PPP2R2B: variants seen among roughly 807,000 people sequenced by gnomAD.
PPP2R2B encodes protein phosphatase 2 regulatory subunit Bbeta, also known as serine/threonine-protein phosphatase 2A 55 kDa regulatory subunit B beta isoform.
A neutral mutation model predicts 46.0 loss-of-function variants in PPP2R2B; 5 were observed. That is an observed-to-expected ratio of 0.11 (90% CI 0.06 to 0.23). PPP2R2B has a LOEUF of 0.23. Among genes scored for constraint, PPP2R2B ranks in the 10% least tolerant of loss-of-function variants. PPP2R2B has a pLI of 1.00. For missense variants in PPP2R2B, 367 were observed against 575.0 expected (o/e 0.64, Z 3.70); for synonymous variants, 215 against 206.7 (o/e 1.04, Z -0.34).
intron 2 of PPP2R2B, among the ~76,000 whole-genome samples, chr5:147,075,893 C>T (rs538569658): frequency 3.3e-5 from 5 of 152,194 alleles, no homozygotes; most frequent in African/African-American, 9.6e-5. Context: ...GATATAATCA[C>T]AGTAGCTAAT....
upstream of PPP2R2B, among the ~76,000 whole-genome samples, chr5:147,057,895 T>G (rs570332523): frequency 6.6e-6 from 1 of 152,328 alleles, no homozygotes; most frequent in Non-Finnish European, 1.5e-5. Context: ...TAAACGACAC[T>G]GTTGAGGATA....
At chr5:147,039,230 T>C (rs1174454905) in intron 1 of PPP2R2B, among the ~76,000 whole-genome samples, 1 of 152,154 alleles carries the variant, frequency 6.6e-6, no homozygotes, top group Non-Finnish European at 1.5e-5. Flanking sequence ...GTCACTGTAA[T>C]GATTTACCCT....
intron 2 of PPP2R2B, among the ~76,000 whole-genome samples, chr5:147,071,421 C>T (rs1334737496): frequency 6.6e-6 from 1 of 152,154 alleles, no homozygotes; most frequent in African/African-American, 2.4e-5. Context: ...AGGCAGGAGT[C>T]CAGCTATTTA....
chr5:146,841,837 C>T (rs957003050), intron 2 of PPP2R2B, among the ~76,000 whole-genome samples: 2 of 151,998 alleles, frequency 1.3e-5, no homozygotes, highest in Admixed American at 6.6e-5. Context: ...ATATAGATGA[C>T]GGGTTGATGG....
At chr5:146,992,109 G>T (rs1303567540) in intron 1 of PPP2R2B, among the ~76,000 whole-genome samples, 1 of 152,064 alleles carries the variant, frequency 6.6e-6, no homozygotes, top group Non-Finnish European at 1.5e-5. Context: ...TAAACCACCT[G>T]ATTTCAAACT....
intron 2 of PPP2R2B, among the ~76,000 whole-genome samples, chr5:146,864,396 CAAAAAAAAAAAA>C (rs34780019): frequency 6.4e-5 from 2 of 31,320 alleles, no homozygotes; most frequent in East Asian, 1.1e-3. Context: ...TAGTATTAAC[CAAAAAAAAAAAA>C]AAAAAAAAAA....
At chr5:147,028,996 T>C (rs1755654032) in intron 1 of PPP2R2B, among the ~76,000 whole-genome samples, 1 of 152,228 alleles carries the variant, frequency 6.6e-6, no homozygotes, top group Admixed American at 6.5e-5. Flanking sequence ...TATTGTTCTA[T>C]TGAGCTGTCA....
rs1227681104 is a variant in PPP2R2B at position 146,936,481 on chromosome 5, A to AC, written c.79+119183_79+119184insG. On this transcript the variant is annotated intron_variant, in intron 1 of 8. Coordinates refer to the PPP2R2B transcript ENST00000336640. ...TTGTAAGCAGGAAAAGAAAAAAAAA[A>AC]AAAACCCTAGACAGTTATGAAGGAT... is the stretch of plus-strand genomic sequence containing the variant. Among the ~76,000 whole-genome samples the AC allele has an allele frequency of 4.0e-3, 607 of 151,456 alleles. 5 individuals are homozygous for AC. Among genetic ancestry groups the AC allele is most frequent in the African/African-American group, 0.014 (568 of 41,174 alleles).
At chr5:146,869,504 G>T (rs573305776) in intron 2 of PPP2R2B, among the ~76,000 whole-genome samples, 6 of 152,180 alleles carry the variant, frequency 3.9e-5, no homozygotes, top group African/African-American at 1.4e-4. Context: ...TCTTGAAGAC[G>T]TATCACTAGT....
intron 5 of PPP2R2B, among the ~76,000 whole-genome samples, chr5:146,671,951 G>A (rs1054331383): frequency 6.6e-6 from 1 of 152,114 alleles, no homozygotes; most frequent in Non-Finnish European, 1.5e-5. Context: ...TAAGTTAAAC[G>A]ATAAGCAAAA....
chr5:146,751,464 T>A (rs1753553647), intron 2 of PPP2R2B: 1 of 152,256 alleles, frequency 6.6e-6, no homozygotes, highest in Admixed American at 6.5e-5. Flanking sequence ...CTCTTTAGCC[T>A]CCTCTTCTCT....
chr5:146,656,154 A>G (rs1289650821), intron 5 of PPP2R2B, among the ~76,000 whole-genome samples: 1 of 152,162 alleles, frequency 6.6e-6, no homozygotes, highest in Non-Finnish European at 1.5e-5. Flanking sequence ...GTACATGAGG[A>G]AAACCTGAGT....
chr5:146,592,069 G>A (rs563632615), intron 9 of PPP2R2B: 21 of 429,292 alleles, frequency 4.9e-5, no homozygotes, highest in Admixed American at 2.9e-4. Context: ...ATAATAAAAT[G>A]AGAGGGCTGG....
chr5:146,782,058 C>T (rs1755563621), intron 2 of PPP2R2B, among the ~76,000 whole-genome samples: 2 of 152,094 alleles, frequency 1.3e-5, no homozygotes, highest in Admixed American at 1.3e-4. Flanking sequence ...TAGCACCTCC[C>T]CCACCCATGC....
chr5:146,639,505 C>T (rs1775053109), intron 6 of PPP2R2B, among the ~76,000 whole-genome samples: 1 of 152,116 alleles, frequency 6.6e-6, no homozygotes, highest in African/African-American at 2.4e-5. Context: ...TTGTACAGAT[C>T]TCTTCACACC....
At chr5:146,755,841 T>A (rs1458341098) in intron 2 of PPP2R2B, among the ~76,000 whole-genome samples, 2 of 152,210 alleles carry the variant, frequency 1.3e-5, no homozygotes. Context: ...ACCCTGATCC[T>A]CGTCTGTGGC....
chr5:146,876,798 T>C (rs1761922766), intron 2 of PPP2R2B, among the ~76,000 whole-genome samples: 1 of 152,190 alleles, frequency 6.6e-6, no homozygotes, highest in African/African-American at 2.4e-5. Context: ...TGGACATTCT[T>C]TCTGTCTAGA....
chr5:146,812,934 G>C (rs1458999609), intron 2 of PPP2R2B, among the ~76,000 whole-genome samples: 2 of 145,846 alleles, frequency 1.4e-5, no homozygotes, highest in Non-Finnish European at 1.5e-5. Context: ...TATCCCGCTG[G>C]GTCCCTCTCA....
At chr5:146,988,291 A>T (rs973891086) in intron 1 of PPP2R2B, among the ~76,000 whole-genome samples, 1 of 151,958 alleles carries the variant, frequency 6.6e-6, no homozygotes, top group Non-Finnish European at 1.5e-5. Context: ...TATAAAACAT[A>T]CCACTAAAAA....
Sources: gnomAD v4.1 joint callset for allele counts (sites outside exome capture counted in the v4.1 genomes callset) on GRCh38, gnomAD v4.1.1 for gene constraint, MANE v1.5 for transcripts, NCBI Gene and HGNC (gene_info 2026-07-23, HGNC 2026-07-21) for gene names.